The following PDS5B variants were observed in gnomAD, a reference collection of about 807,000 sequenced individuals.
PDS5B encodes sister chromatid cohesion protein PDS5 homolog B.
PDS5B carries 51 observed loss-of-function variants against 184.1 expected under a neutral mutation model. The ratio of observed to expected loss-of-function variants is 0.28; its 90% CI spans 0.22 to 0.35. PDS5B has a LOEUF of 0.35. PDS5B is among the 10% of genes least tolerant of loss of function. PDS5B has a pLI of 1.00. For missense variants in PDS5B, 1,180 were observed against 1,723.3 expected, an observed-to-expected ratio of 0.68 and a Z score of 5.58; for synonymous variants, 566 against 569.2, an observed-to-expected ratio of 0.99 and a Z score of 0.08.
At chr13:32,771,942 C>A (rs1593664768) in intron 33 of PDS5B, among the ~76,000 whole-genome samples, 1 of 147,314 alleles carries the variant, frequency 6.8e-6, no homozygotes, top group African/African-American at 2.5e-5. Context: ...ACAAGTATTT[C>A]TTAAAAAAAA....
intron 33 of PDS5B, chr13:32,771,032 G>A (rs930385827): frequency 6.5e-6 from 2 of 306,100 alleles, no homozygotes; most frequent in African/African-American, 2.2e-5. Flanking sequence ...AAATCATAAG[G>A]TATTTTTAAA....
At chr13:32,745,740 C>T (rs977486530) in intron 23 of PDS5B, among the ~76,000 whole-genome samples, 22 of 152,098 alleles carry the variant, frequency 1.4e-4, no homozygotes, top group African/African-American at 5.3e-4. Context: ...AGACACTAAT[C>T]CCATTCATGA....
intron 1 of PDS5B, among the ~76,000 whole-genome samples, chr13:32,591,313 G>A (rs2057772139): frequency 6.6e-6 from 1 of 151,894 alleles, no homozygotes; most frequent in African/African-American, 2.4e-5. Context: ...ATTTTTAGTA[G>A]AGACTGTGTT....
Position 32,710,481 on chromosome 13 carries a change from C to A in PDS5B, c.2123+375C>A, listed in dbSNP as rs572379693. Among the ~76,000 whole-genome samples, 4 of 152,256 alleles carry A rather than the reference C, an allele frequency of 2.6e-5. No individual in the cohort carries two copies. The South Asian group carries it at 8.3e-4, about 32-fold the overall frequency. On this transcript the variant is annotated intron_variant, in intron 19 of 34. Transcript: ENST00000315596. ...ATTTAGGGCTGAAACAAAAAAAAGT[C>A]GGAAGCAGTGCTTTAATTGACACAG...
intron 18 of PDS5B, among the ~76,000 whole-genome samples, chr13:32,707,741 G>A (rs1484440728): frequency 1.3e-5 from 2 of 148,456 alleles, no homozygotes; most frequent in East Asian, 2.0e-4. Flanking sequence ...TGCAAAGGAC[G>A]TTAAAGCTTG....
At position 32,764,689 on chromosome 13, in the gene PDS5B, A is replaced by G. The variant is rs1954527833; in HGVS notation, c.3624+95A>G. On this transcript the variant is annotated intron_variant, in intron 31 of 34. Coordinates refer to ENST00000315596, the MANE Select transcript of PDS5B (RefSeq NM_015032.4). ...CAGTTAACATGACTATCAAATTTAC[A>G]TTTTATTTTATTTTATTTTAGTGGT... The G allele has an allele frequency of 6.0e-5, 34 of 564,980 alleles. 2 individuals are homozygous for G. In the Middle Eastern group the frequency reaches 1.4e-3, roughly 24 times the overall value. The allele number at this position is 564,980 out of a possible 1,614,324, so 35.0% of individuals were successfully genotyped here. A position where few individuals can be genotyped will look rare whatever the true frequency, so the allele number is the denominator to read the frequency against.
At chr13:32,704,449 A>C (rs887984143) in intron 17 of PDS5B, among the ~76,000 whole-genome samples, 1 of 152,216 alleles carries the variant, frequency 6.6e-6, no homozygotes, top group African/African-American at 2.4e-5. Flanking sequence ...GATTACAGGC[A>C]TGAGCCACTG....
intron 1 of PDS5B, among the ~76,000 whole-genome samples, chr13:32,599,686 G>A (rs1165901809): frequency 6.6e-6 from 1 of 151,924 alleles, no homozygotes; most frequent in African/African-American, 2.4e-5. Flanking sequence ...AGGCCAAGGC[G>A]GATGGATCAT....
rs138657347 is a variant in PDS5B, at chr13:32,767,408, C to G, written c.3625-2713C>G. 3.0e-3 allele frequency among the ~76,000 whole-genome samples: 451 copies of G among 152,188 alleles called. 2 individuals are homozygous for G. The highest frequency in any genetic ancestry group is 8.5e-3 in the South Asian group (41 of 4,814). On this transcript the variant is annotated intron_variant, in intron 31 of 34. Transcript: ENST00000315596. The stretch of plus-strand genomic sequence containing the variant: ...TTAAAAATTGCTCTAGAATGTTTGA[C>G]CAATTGTTATTTTTGTAATCTTAGA...
chr13:32,593,245 C>A (rs1436915529), intron 1 of PDS5B, among the ~76,000 whole-genome samples: 2 of 152,300 alleles, frequency 1.3e-5, no homozygotes, highest in Admixed American at 1.3e-4. Flanking sequence ...CTACAGCTGA[C>A]CCTTGAACAG....
chr13:32,675,995 A>G (rs1044075421), intron 9 of PDS5B, 36 bp downstream of exon 9: 2 of 1,172,038 alleles, frequency 1.7e-6, no homozygotes, highest in Non-Finnish European at 2.6e-6. Context: ...AAAGTAATAC[A>G]TTATTCTACT....
intron 1 of PDS5B, among the ~76,000 whole-genome samples, chr13:32,629,679 T>C (rs774402360): frequency 1.3e-5 from 2 of 152,242 alleles, no homozygotes; most frequent in Non-Finnish European, 2.9e-5. Flanking sequence ...TTTTGTACCT[T>C]GCTTACAGGG....
chr13:32,587,641 G>A (rs976210148), intron 1 of PDS5B, among the ~76,000 whole-genome samples: 4 of 152,190 alleles, frequency 2.6e-5, no homozygotes, highest in South Asian at 2.1e-4. Context: ...TCCTTGCCGC[G>A]GACGGGGCGA....
At chr13:32,703,660 G>A (rs761690215) in intron 17 of PDS5B, among the ~76,000 whole-genome samples, 3 of 152,138 alleles carry the variant, frequency 2.0e-5, no homozygotes, top group Non-Finnish European at 4.4e-5. Context: ...AGCCCACTTG[G>A]TTAACCACTA....
intron 21 of PDS5B, among the ~76,000 whole-genome samples, chr13:32,735,628 T>A (rs904833476): frequency 6.6e-6 from 1 of 152,186 alleles, no homozygotes; most frequent in African/African-American, 2.4e-5. Context: ...CATCTATTTT[T>A]AAAAATATGC....
intron 10 of PDS5B, among the ~76,000 whole-genome samples, chr13:32,679,546 GAATT>G (rs2140790423): frequency 6.6e-6 from 1 of 152,058 alleles, no homozygotes; most frequent in African/African-American, 2.4e-5. Flanking sequence ...TGAGGCAGGA[GAATT>G]GCTTGAACCT....
chr13:32,734,238 G>C (rs921598492), intron 20 of PDS5B, among the ~76,000 whole-genome samples: 1 of 151,870 alleles, frequency 6.6e-6, no homozygotes, highest in Non-Finnish European at 1.5e-5. Context: ...TGTTGGCCTG[G>C]CTGGTCTCGA....
At chr13:32,760,391 G>A (rs1954340704) in intron 29 of PDS5B, among the ~76,000 whole-genome samples, 184 bp from the exon 30 acceptor site, 1 of 152,102 alleles carries the variant, frequency 6.6e-6, no homozygotes, top group Non-Finnish European at 1.5e-5. Context: ...CTGTTATGCT[G>A]TCTGTATAGT....
chr13:32,667,367 A>T (rs1950826512), intron 6 of PDS5B, among the ~76,000 whole-genome samples: 1 of 152,164 alleles, frequency 6.6e-6, no homozygotes, highest in Non-Finnish European at 1.5e-5. Context: ...TGGGATGCCC[A>T]TCGCTGCCCA....
Sources: allele counts gnomAD v4.1 joint callset (sites outside exome capture counted in the v4.1 genomes callset), GRCh38; gene constraint gnomAD v4.1.1; transcripts MANE v1.5; gene names NCBI Gene and HGNC (gene_info 2026-07-23, HGNC 2026-07-21).